Variants in CDK14 observed in about 807,000 individuals in gnomAD.
CDK14 encodes cyclin-dependent kinase 14.
CDK14 carries 34 observed loss-of-function variants against 60.7 expected under a neutral mutation model. That is an observed-to-expected ratio of 0.56 (90% CI 0.43 to 0.75). The LOEUF (loss-of-function observed/expected upper bound fraction) is 0.75. Among genes scored for constraint, CDK14 ranks in the 30% least tolerant of loss-of-function variants. The probability of loss-of-function intolerance (pLI) is 0.00; values close to 1 mark genes in which losing one functional copy is unlikely to be tolerated. For synonymous variants in CDK14, 197 were observed against 203.7 expected (o/e 0.97, Z 0.28); for missense variants, 482 against 564.1 (o/e 0.85, Z 1.47).
intron 7 of CDK14, among the ~76,000 whole-genome samples, chr7:90,912,592 GT>G (rs1219168175): frequency 6.6e-6 from 1 of 151,982 alleles, no homozygotes; most frequent in Non-Finnish European, 1.5e-5. Context: ...TTTGTTGGGG[GT>G]TTTTTGTTTT....
At chr7:91,197,475 G>A (rs148195264) in intron 14 of CDK14, among the ~76,000 whole-genome samples, 3 of 151,630 alleles carry the variant, frequency 2.0e-5, no homozygotes, top group African/African-American at 7.3e-5. Flanking sequence ...CCTAGTTCCT[G>A]TAAAGGTTGT....
chr7:90,814,460 A>G (rs559469821), intron 5 of CDK14, among the ~76,000 whole-genome samples: 1 of 152,184 alleles, frequency 6.6e-6, no homozygotes, highest in Non-Finnish European at 1.5e-5. Flanking sequence ...GAGAGAAAAT[A>G]ACCCAATATG....
chr7:91,183,833 A>C (rs868832912), intron 14 of CDK14, among the ~76,000 whole-genome samples: 1 of 152,170 alleles, frequency 6.6e-6, no homozygotes, highest in Admixed American at 6.5e-5. Flanking sequence ...TTATCTATTC[A>C]TTGTCTCTAT....
intron 2 of CDK14, among the ~76,000 whole-genome samples, chr7:90,725,214 T>A (rs188808963): frequency 1.6e-3 from 240 of 152,304 alleles, no homozygotes; most frequent in Non-Finnish European, 1.4e-3. Flanking sequence ...ATTATAAAAT[T>A]CACACAAGAG....
At chr7:90,965,933 A>G (rs1434145683) in intron 9 of CDK14, among the ~76,000 whole-genome samples, 1 of 152,070 alleles carries the variant, frequency 6.6e-6, no homozygotes, top group Non-Finnish European at 1.5e-5. Context: ...TCCTCCCTGG[A>G]GGGAATTGGG....
At chr7:91,205,439 T>G (rs1274360664) in intron 14 of CDK14, among the ~76,000 whole-genome samples, 2 of 152,170 alleles carry the variant, frequency 1.3e-5, no homozygotes, top group Non-Finnish European at 2.9e-5. Context: ...CTAGACAAAA[T>G]GGGTAGCATA....
chr7:90,797,331 A>G (rs575349943), intron 5 of CDK14, among the ~76,000 whole-genome samples: 10 of 151,932 alleles, frequency 6.6e-5, no homozygotes, highest in Non-Finnish European at 5.9e-5. Flanking sequence ...TTTCCTGTGT[A>G]CCTGTCTGCA....
At chr7:91,149,470 T>G (rs1562972011) in intron 14 of CDK14, among the ~76,000 whole-genome samples, 1 of 152,168 alleles carries the variant, frequency 6.6e-6, no homozygotes, top group Non-Finnish European at 1.5e-5. Flanking sequence ...TCTAATAGTT[T>G]TTAGCAGTTT....
At chr7:91,132,960 A>G (rs909192578) in intron 14 of CDK14, among the ~76,000 whole-genome samples, 2 of 152,186 alleles carry the variant, frequency 1.3e-5, no homozygotes, top group African/African-American at 2.4e-5. Context: ...AAGTTAAAGA[A>G]TATGCCTTTT....
chr7:91,017,651 G>A (rs983406542), intron 10 of CDK14, among the ~76,000 whole-genome samples: 2 of 152,274 alleles, frequency 1.3e-5, no homozygotes, highest in Admixed American at 1.3e-4. Context: ...AGGTGTTTGT[G>A]TTTGACATAG....
intron 5 of CDK14, among the ~76,000 whole-genome samples, chr7:90,827,996 A>T (rs1562789053): frequency 6.6e-6 from 1 of 152,238 alleles, no homozygotes; most frequent in Non-Finnish European, 1.5e-5. Flanking sequence ...AAAGAAATTG[A>T]TATTACATGC....
chr7:90,700,885 C>T (rs755326781), intron 2 of CDK14, among the ~76,000 whole-genome samples: 1 of 152,066 alleles, frequency 6.6e-6, no homozygotes, highest in African/African-American at 2.4e-5. Context: ...AGTTGTGTCT[C>T]GTTCATCTTT....
Position 91,174,485 on chromosome 7 carries a change from G to C in CDK14, c.*29-32680G>C, listed in dbSNP as rs529409795. ...TGACTTTGACGAGCTGAGAGAAGAA[G>C]GCTTCAGACGGTCAAATTACTCTGA... On this transcript the variant is annotated intron_variant, in intron 14 of 14. Coordinates refer to ENST00000380050, the MANE Select transcript of CDK14 (RefSeq NM_001287135.2). 1.9e-3 allele frequency among the ~76,000 whole-genome samples: 285 copies of C among 152,042 alleles called. 1 individual carries two copies. Among genetic ancestry groups the C allele is most frequent in the African/African-American group, 6.4e-3 (265 of 41,476 alleles).
chr7:91,013,873 C>T (rs1330920619), intron 10 of CDK14, among the ~76,000 whole-genome samples: 2 of 151,882 alleles, frequency 1.3e-5, no homozygotes, highest in Non-Finnish European at 2.9e-5. Context: ...GCATTTTCAA[C>T]CCTGCATGAG....
In CDK14 at chr7:90,662,162, TACA is replaced by T. The variant is rs540536506; in HGVS notation, c.123+57918_123+57920del. Among the ~76,000 whole-genome samples the T allele has an allele frequency of 1.1e-3, 174 of 152,348 alleles. 1 individual carries two copies. The highest frequency in any genetic ancestry group is 3.9e-3 in the African/African-American group (162 of 41,576). On this transcript the variant is annotated intron_variant, in intron 2 of 14. Transcript: ENST00000380050. Reference sequence around the variant, plus strand: ...TGTTTGGAACTTAGGAGAATTGGTATACAACAAGTCCATCAGTTTAAACCACAG... The same window carrying T: ...TGTTTGGAACTTAGGAGAATTGGTATACAAGTCCATCAGTTTAAACCACAG...
chr7:91,057,003 A>G (rs922665554), intron 11 of CDK14, among the ~76,000 whole-genome samples: 7 of 151,962 alleles, frequency 4.6e-5, no homozygotes, highest in Non-Finnish European at 7.4e-5. Context: ...CACAATGGTT[A>G]AACTAGTTTA....
intron 4 of CDK14, among the ~76,000 whole-genome samples, chr7:90,753,543 A>G (rs1050085797): frequency 3.3e-5 from 5 of 152,200 alleles, no homozygotes; most frequent in Non-Finnish European, 5.9e-5. Context: ...CTGAACTGAC[A>G]ACAGCTGGAA....
At chr7:90,964,134 C>T (rs1794686789) in intron 9 of CDK14, among the ~76,000 whole-genome samples, 1 of 152,184 alleles carries the variant, frequency 6.6e-6, no homozygotes, top group Non-Finnish European at 1.5e-5. Context: ...CAGATGTCTT[C>T]ATAGAAGTAT....
chr7:91,079,308 C>G, intron 11 of CDK14, 124 bp from the exon 12 acceptor site: 1 of 616,640 alleles, frequency 1.6e-6, no homozygotes, highest in Non-Finnish European at 2.9e-6. Flanking sequence ...AAGTGAAGAC[C>G]TTACTATGCT....
Sources: gnomAD v4.1 joint callset for allele counts (sites outside exome capture counted in the v4.1 genomes callset) on GRCh38, gnomAD v4.1.1 for gene constraint, MANE v1.5 for transcripts, NCBI Gene and HGNC (gene_info 2026-07-23, HGNC 2026-07-21) for gene names.